Variants in SLC67A2 observed in about 807,000 individuals in gnomAD.
The protein encoded by SLC67A2 is solute carrier family 67 member A2.
the SLC67A2 span, among the ~76,000 whole-genome samples, chr2:102,728,467 T>C: frequency 6.6e-6 from 1 of 152,224 alleles, no homozygotes; most frequent in South Asian, 2.1e-4. Context: ...ATCTTTTTCT[T>C]AAGGGGCCGA....
the SLC67A2 span, chr2:102,716,160 C>T: frequency 3.9e-5 from 6 of 152,204 alleles, no homozygotes; most frequent in Non-Finnish European, 7.3e-5. Flanking sequence ...TGTCTCTCTA[C>T]TCTATATTCT....
At chr2:102,721,994 C>T in the SLC67A2 span, among the ~76,000 whole-genome samples, 1 of 152,242 alleles carries the variant, frequency 6.6e-6, no homozygotes, top group Non-Finnish European at 1.5e-5. Flanking sequence ...GCATGAGCCA[C>T]TGCACCCGGC....
the SLC67A2 span, among the ~76,000 whole-genome samples, chr2:102,723,264 G>A: frequency 1.3e-5 from 2 of 152,220 alleles, no homozygotes; most frequent in African/African-American, 2.4e-5. Context: ...GAGGTCAGGA[G>A]TTCGAGACCA....
the SLC67A2 span, among the ~76,000 whole-genome samples, chr2:102,726,092 G>C: frequency 6.6e-6 from 1 of 152,166 alleles, no homozygotes; most frequent in Non-Finnish European, 1.5e-5. Context: ...ATAAAAGCTA[G>C]TTCAAAATGT....
At chr2:102,719,587 T>C in the SLC67A2 span, among the ~76,000 whole-genome samples, 1 of 152,210 alleles carries the variant, frequency 6.6e-6, no homozygotes, top group African/African-American at 2.4e-5. Flanking sequence ...CCACGTAACA[T>C]CCATCCATCT....
the SLC67A2 span, among the ~76,000 whole-genome samples, chr2:102,727,744 T>A: frequency 3.3e-5 from 5 of 152,168 alleles, no homozygotes; most frequent in Admixed American, 6.5e-5. Context: ...TACTGACCAA[T>A]TACTCTCTGG....
chr2:102,732,416 CAA>C, the SLC67A2 span: 1 of 1,601,820 alleles, frequency 6.2e-7, no homozygotes, highest in Admixed American at 1.7e-5. Flanking sequence ...AATCCTAAAA[CAA>C]AATAAATGCT....
At chr2:102,735,883 C>T in the SLC67A2 span, among the ~76,000 whole-genome samples, 3 of 151,518 alleles carry the variant, frequency 2.0e-5, no homozygotes, top group Non-Finnish European at 4.4e-5. Flanking sequence ...GAAACCAAAC[C>T]GCCATTGTGC....
chr2:102,719,822 CAGG>C, the SLC67A2 span, among the ~76,000 whole-genome samples: 1 of 152,208 alleles, frequency 6.6e-6, no homozygotes, highest in African/African-American at 2.4e-5. Flanking sequence ...GACCGATGGG[CAGG>C]GACAGCTTGG....
the SLC67A2 span, chr2:102,718,890 T>C: frequency 1.2e-5 from 19 of 1,614,062 alleles, no homozygotes; most frequent in Non-Finnish European, 1.6e-5. Flanking sequence ...CCTGTCACCT[T>C]GGGCCGCACC....
the SLC67A2 span, among the ~76,000 whole-genome samples, chr2:102,735,721 A>C: frequency 1.3e-5 from 2 of 152,224 alleles, no homozygotes; most frequent in African/African-American, 2.4e-5. Context: ...TGTGGATTAC[A>C]ATAGTGAAGC....
chr2:102,726,860 C>A, the SLC67A2 span: 1 of 1,604,106 alleles, frequency 6.2e-7, no homozygotes, highest in African/African-American at 1.4e-5. Context: ...GGGACTCTAG[C>A]CAGGACAAAC....
the SLC67A2 span, among the ~76,000 whole-genome samples, chr2:102,722,081 T>C: frequency 6.6e-6 from 1 of 152,214 alleles, no homozygotes; most frequent in Admixed American, 6.5e-5. Context: ...GTCTGCCTAC[T>C]GATTTGGGGG....
At chr2:102,723,453 G>C in the SLC67A2 span, among the ~76,000 whole-genome samples, 1 of 151,650 alleles carries the variant, frequency 6.6e-6, no homozygotes, top group African/African-American at 2.4e-5. Flanking sequence ...TGGCCAACAA[G>C]AGCAAAACTT....
chr2:102,720,986 C>T, the SLC67A2 span, among the ~76,000 whole-genome samples: 1 of 152,186 alleles, frequency 6.6e-6, no homozygotes, highest in African/African-American at 2.4e-5. Context: ...GTCATCCTCC[C>T]TCTCCTCCTC....
At chr2:102,731,772 C>T in the SLC67A2 span, among the ~76,000 whole-genome samples, 1 of 152,230 alleles carries the variant, frequency 6.6e-6, no homozygotes, top group Non-Finnish European at 1.5e-5. Flanking sequence ...CATTAGTTAG[C>T]ATAGTCCTAA....
the SLC67A2 span, among the ~76,000 whole-genome samples, chr2:102,723,481 A>C: frequency 7.9e-5 from 12 of 152,208 alleles, no homozygotes; most frequent in African/African-American, 2.9e-4. Flanking sequence ...AAAAAGAAAA[A>C]AAAAATAGAA....
At chr2:102,729,211 T>C in the SLC67A2 span, among the ~76,000 whole-genome samples, 1 of 152,294 alleles carries the variant, frequency 6.6e-6, no homozygotes, top group South Asian at 2.1e-4. Context: ...TATGAAATGT[T>C]CTGTGTAAGT....
At chr2:102,719,084 C>T in the SLC67A2 span, 1 of 1,614,242 alleles carries the variant, frequency 6.2e-7, no homozygotes, top group Admixed American at 1.7e-5. Context: ...GGCTCTGCGG[C>T]TGGTGGCTGC....
Sources: gnomAD v4.1 joint callset for allele counts (sites outside exome capture counted in the v4.1 genomes callset) on GRCh38, gnomAD v4.1.1 for gene constraint, MANE v1.5 for transcripts, NCBI Gene and HGNC (gene_info 2026-07-23, HGNC 2026-07-21) for gene names.